The following CTNNA2 variants were observed in gnomAD, a reference collection of about 807,000 sequenced individuals.
CTNNA2 encodes the protein catenin alpha 2.
A neutral mutation model predicts 101.0 loss-of-function variants in CTNNA2; 42 were observed. The ratio of observed to expected loss-of-function variants is 0.42; its 90% CI spans 0.32 to 0.54. The LOEUF (loss-of-function observed/expected upper bound fraction) is 0.54. Ranked by LOEUF, CTNNA2 falls within the 20% of genes least tolerant of loss-of-function variation. CTNNA2 has a pLI of 0.14. For missense variants in CTNNA2, 871 were observed against 1,223.1 expected, an observed-to-expected ratio of 0.71 and a Z score of 4.29; for synonymous variants, 450 against 456.4, an observed-to-expected ratio of 0.99 and a Z score of 0.18.
intron 7 of CTNNA2, among the ~76,000 whole-genome samples, chr2:80,207,623 TGG>T (rs979577470): frequency 9.2e-5 from 14 of 152,100 alleles, no homozygotes; most frequent in African/African-American, 3.4e-4. Flanking sequence ...TGAGCAACCC[TGG>T]GGAAGATGCT....
intron 15 of CTNNA2, among the ~76,000 whole-genome samples, chr2:80,590,204 C>T (rs1421286453): frequency 1.3e-5 from 2 of 152,114 alleles, no homozygotes; most frequent in African/African-American, 2.4e-5. Context: ...GATATCTCTG[C>T]CCTTTCAACA....
Position 79,795,844 on chromosome 2 carries a change from A to G in CTNNA2, c.298+51262A>G, listed in dbSNP as rs4852527. ...ATCTACTGCATTCATTAGTCTTTTC[A>G]GTGAAATAAATGCTTCTCTTCAAAT... On this transcript the variant is annotated intron_variant, in intron 3 of 18. Transcript: ENST00000402739. 0.014 allele frequency among the ~76,000 whole-genome samples: 2,104 copies of G among 152,352 alleles called. 116 individuals carry two copies. In the East Asian group the frequency reaches 0.16, roughly 11 times the overall value.
At chr2:79,938,842 G>A (rs1372875020) in intron 7 of CTNNA2, among the ~76,000 whole-genome samples, 7 of 152,090 alleles carry the variant, frequency 4.6e-5, no homozygotes, top group Admixed American at 4.6e-4. Context: ...ATTTTAATTG[G>A]GTTTTAAAGC....
chr2:80,376,090 T>C (rs1415594088), intron 7 of CTNNA2, among the ~76,000 whole-genome samples: 1 of 152,156 alleles, frequency 6.6e-6, no homozygotes, highest in African/African-American at 2.4e-5. Flanking sequence ...CCTTAAACTA[T>C]AAAAATGAAT....
chr2:79,909,483 C>A, intron 6 of CTNNA2, 111 bp from the exon 7 acceptor site: 1 of 794,430 alleles, frequency 1.3e-6, no homozygotes, highest in Non-Finnish European at 2.0e-6. Flanking sequence ...CCAGTTTCTC[C>A]TCCTTGGGGA....
chr2:79,304,181 G>A (rs1676179071), intron 2 of CTNNA2, among the ~76,000 whole-genome samples: 1 of 152,106 alleles, frequency 6.6e-6, no homozygotes, highest in Admixed American at 6.5e-5. Context: ...CTGGGAGCAG[G>A]TAGAAAACTG....
intron 7 of CTNNA2, among the ~76,000 whole-genome samples, chr2:80,105,939 T>C (rs1349389633): frequency 6.6e-6 from 1 of 152,136 alleles, no homozygotes; most frequent in Non-Finnish European, 1.5e-5. Flanking sequence ...TCTCACTTAC[T>C]AGTGTTACCC....
rs112815206 is a variant in CTNNA2, at chr2:80,203,311, A to G, written c.1057-189900A>G. On this transcript the variant is annotated intron_variant, in intron 7 of 18. Coordinates refer to ENST00000402739, the MANE Select transcript of CTNNA2 (RefSeq NM_001282597.3). The stretch of plus-strand genomic sequence containing the variant: ...ATTAATTCAAAAGTCCACATTCCAA[A>G]GTCTCATCCAAGACAAGCAATTCCC... Among the ~76,000 whole-genome samples, 427 of 152,316 alleles carry G rather than the reference A, an allele frequency of 2.8e-3. 2 individuals carry two copies. The highest frequency in any genetic ancestry group is 0.01 in the Middle Eastern group (3 of 294).
intron 8 of CTNNA2, among the ~76,000 whole-genome samples, chr2:80,410,126 A>C (rs1384034581): frequency 1.3e-5 from 2 of 152,204 alleles, no homozygotes; most frequent in Non-Finnish European, 1.5e-5. Flanking sequence ...GCAGATTTTT[A>C]GACTTTGTAC....
intron 14 of CTNNA2, among the ~76,000 whole-genome samples, chr2:80,587,706 T>C (rs1285252255): frequency 2.0e-5 from 3 of 152,164 alleles, no homozygotes; most frequent in African/African-American, 7.2e-5. Flanking sequence ...TAGGAAGCAT[T>C]TTTCTTGTGT....
chr2:79,398,011 C>G (rs1678251085), intron 4 of CTNNA2, among the ~76,000 whole-genome samples: 3 of 152,060 alleles, frequency 2.0e-5, no homozygotes, highest in South Asian at 4.1e-4. Flanking sequence ...TGTAATGCCC[C>G]TAGGGCTAAC....
In CTNNA2 at chr2:80,328,508, C is replaced by G. The variant is rs574714939; in HGVS notation, c.1057-64703C>G. Among the ~76,000 whole-genome samples the G allele has an allele frequency of 3.9e-5, 6 of 152,320 alleles. No homozygotes were observed. The South Asian group carries it at 1.2e-3, about 32-fold the overall frequency. ...AGCAGCAGGTAGTCCAGAGAGTCAG[C>G]CCTAGTGGCTGGAGTGGGTCAGCCC... On this transcript the variant is annotated intron_variant, in intron 7 of 18. Coordinates refer to ENST00000402739, the MANE Select transcript of CTNNA2 (RefSeq NM_001282597.3).
intron 7 of CTNNA2, among the ~76,000 whole-genome samples, chr2:80,272,566 A>G (rs529950301): frequency 9.7e-4 from 148 of 152,228 alleles, no homozygotes; most frequent in Middle Eastern, 6.8e-3. Context: ...GGAAAACTAC[A>G]TTCTCTCTCT....
At chr2:79,431,321 C>CTTTT (rs1678657226) in intron 4 of CTNNA2, among the ~76,000 whole-genome samples, 1 of 152,122 alleles carries the variant, frequency 6.6e-6, no homozygotes, top group Non-Finnish European at 1.5e-5. Flanking sequence ...ATGCAGGTAA[C>CTTTT]ACTGAGGCAG....
intron 9 of CTNNA2, among the ~76,000 whole-genome samples, chr2:80,518,469 A>T (rs1023203538): frequency 2.0e-5 from 3 of 152,126 alleles, no homozygotes. Context: ...CAACATATAC[A>T]TCATGGATAT....
chr2:80,634,869 T>A (rs1007448993), intron 18 of CTNNA2, among the ~76,000 whole-genome samples: 1 of 152,068 alleles, frequency 6.6e-6, no homozygotes, highest in Admixed American at 6.6e-5. Flanking sequence ...AACCAAAGCA[T>A]TGGGAAGAAC....
intron 2 of CTNNA2, among the ~76,000 whole-genome samples, chr2:79,730,979 A>C (rs879839625): frequency 2.6e-5 from 4 of 152,060 alleles, no homozygotes; most frequent in Non-Finnish European, 5.9e-5. Context: ...CTTTCAAGAA[A>C]TTTAAAAGAA....
At chr2:79,361,066 C>T (rs1357413739) in intron 3 of CTNNA2, among the ~76,000 whole-genome samples, 1 of 152,110 alleles carries the variant, frequency 6.6e-6, no homozygotes, top group Non-Finnish European at 1.5e-5. Context: ...TTTACCCAGA[C>T]ACAGGACTGG....
intron 2 of CTNNA2, among the ~76,000 whole-genome samples, chr2:79,724,665 AT>A (rs1258751295): frequency 6.6e-6 from 1 of 151,948 alleles, no homozygotes; most frequent in East Asian, 1.9e-4. Context: ...AATACAAAAA[AT>A]TAGCTGGGTG....
Sources: gnomAD v4.1 joint callset for allele counts (sites outside exome capture counted in the v4.1 genomes callset) on GRCh38, gnomAD v4.1.1 for gene constraint, MANE v1.5 for transcripts, NCBI Gene and HGNC (gene_info 2026-07-23, HGNC 2026-07-21) for gene names.